Variants in DNAJC13 observed in about 807,000 individuals in gnomAD.
DNAJC13 encodes DnaJ heat shock protein family (Hsp40) member C13.
In DNAJC13, 75 loss-of-function variants were observed where a neutral mutation model predicts 290.5. The ratio of observed to expected loss-of-function variants is 0.26; its 90% CI spans 0.21 to 0.31. The LOEUF is 0.31. Ranked by LOEUF, DNAJC13 falls within the 10% of genes least tolerant of loss-of-function variation. The pLI is 1.00. For missense variants in DNAJC13, 2,260 were observed against 2,674.5 expected, an observed-to-expected ratio of 0.85 and a Z score of 3.42; for synonymous variants, 862 against 892.0, an observed-to-expected ratio of 0.97 and a Z score of 0.60.
chr3:132,526,406 G>T, intron 53 of DNAJC13, 125 bp downstream of exon 53: 4 of 1,118,644 alleles, frequency 3.6e-6, no homozygotes, highest in Middle Eastern at 2.7e-4. Context: ...GTGAGTTTGT[G>T]TATAAACAAT....
intron 54 of DNAJC13, among the ~76,000 whole-genome samples, chr3:132,529,786 C>CAAA (rs11402210): frequency 0.014 from 1,316 of 92,780 alleles, 25 homozygotes; most frequent in African/African-American, 0.05. Context: ...GACTCTGTCT[C>CAAA]AAAAAAAAAA....
intron 1 of DNAJC13, among the ~76,000 whole-genome samples, chr3:132,419,118 C>T (rs778525869): frequency 1.3e-5 from 2 of 152,146 alleles, no homozygotes; most frequent in East Asian, 3.9e-4. Context: ...AGGCAACACA[C>T]GTCCTTGTGT....
At chr3:132,443,387 A>G (rs534627852) in intron 2 of DNAJC13, among the ~76,000 whole-genome samples, 51 of 152,234 alleles carry the variant, frequency 3.4e-4, no homozygotes, top group African/African-American at 1.2e-3. Context: ...TCCTGACCTC[A>G]AGTGATCCTC....
intron 30 of DNAJC13, among the ~76,000 whole-genome samples, chr3:132,488,748 AT>A (rs1255006599): frequency 1.3e-5 from 2 of 152,014 alleles, no homozygotes; most frequent in South Asian, 2.1e-4. Context: ...AAGTTTAATA[AT>A]TTTTTTATAT....
chr3:132,528,641 G>T (rs1387572907), intron 54 of DNAJC13, among the ~76,000 whole-genome samples: 1 of 152,184 alleles, frequency 6.6e-6, no homozygotes, highest in Non-Finnish European at 1.5e-5. Context: ...TTAACTTTCA[G>T]CTCTAGGAGT....
intron 2 of DNAJC13, 30 bp from the exon 3 acceptor site, chr3:132,446,445 C>G (rs367692359): frequency 7.3e-5 from 113 of 1,540,306 alleles, no homozygotes; most frequent in Non-Finnish European, 9.2e-5. Context: ...TTGTTTAAAA[C>G]TAAATTTAAG....
chr3:132,421,420 G>A (rs896343889), intron 1 of DNAJC13, among the ~76,000 whole-genome samples: 10 of 152,060 alleles, frequency 6.6e-5, no homozygotes, highest in African/African-American at 2.4e-4. Flanking sequence ...CACAAAGGAC[G>A]TGTCAGAGGC....
intron 20 of DNAJC13, among the ~76,000 whole-genome samples, chr3:132,470,846 T>C (rs13314903): frequency 0.73 from 43,176 of 58,936 alleles, 14,490 homozygotes; most frequent in East Asian, 0.91. Flanking sequence ...GGGGGGCTGA[T>C]CCCCCCACCT....
chr3:132,495,254 A>G lies in DNAJC13; in HGVS notation c.4020+88A>G, dbSNP rs752823433. On this transcript the variant is annotated intron_variant, in intron 35 of 55. Coordinates refer to ENST00000260818, the MANE Select transcript of DNAJC13 (RefSeq NM_015268.4). Reference sequence around the variant, plus strand: ...AGAAAAGTATATTACCTTCTGTGCCAGTATCTGCCTCATAATATATACTCA... The same window carrying G: ...AGAAAAGTATATTACCTTCTGTGCCGGTATCTGCCTCATAATATATACTCA... The G allele has an allele frequency of 7.0e-5, 70 of 1,003,480 alleles. No homozygotes were observed. The highest frequency in any genetic ancestry group is 1.0e-4 in the Non-Finnish European group (65 of 649,858). 62.2% of individuals were successfully genotyped at this position (1,003,480 alleles called of 1,614,324 possible).
At chr3:132,484,778 G>A (rs2107700236) in intron 29 of DNAJC13, 106 bp downstream of exon 29, 1 of 1,017,938 alleles carries the variant, frequency 9.8e-7, no homozygotes, top group Admixed American at 1.9e-5. Context: ...TTTTCAAAAA[G>A]CCTAAATAGG....
At chr3:132,485,472 G>A (rs747530630) in intron 29 of DNAJC13, among the ~76,000 whole-genome samples, 2 of 152,236 alleles carry the variant, frequency 1.3e-5, no homozygotes, top group Non-Finnish European at 2.9e-5. Context: ...TGAATATGCT[G>A]TGGAAGATTG....
chr3:132,464,939 A>C (rs1287582115), intron 17 of DNAJC13, among the ~76,000 whole-genome samples: 1 of 152,188 alleles, frequency 6.6e-6, no homozygotes, highest in Non-Finnish European at 1.5e-5. Context: ...AAGATCTGTC[A>C]ATGTATAATA....
At chr3:132,536,110 C>G (rs1010662530) in intron 55 of DNAJC13, among the ~76,000 whole-genome samples, 1 of 152,124 alleles carries the variant, frequency 6.6e-6, no homozygotes, top group African/African-American at 2.4e-5. Context: ...GTCCCCAAGC[C>G]AAAAGAAATA....
intron 15 of DNAJC13, 69 bp downstream of exon 15, chr3:132,461,274 C>G: frequency 1.3e-6 from 2 of 1,536,308 alleles, no homozygotes; most frequent in African/African-American, 1.4e-5. Flanking sequence ...ATCACTGTTT[C>G]TAAGATAACA....
Position 132,492,552 on chromosome 3 carries a change from T to A in DNAJC13, c.3762T>A (p.Asn1254Lys). 6.2e-7 allele frequency: 1 copy of A among 1,613,830 alleles called. No homozygotes were observed. The highest frequency in any genetic ancestry group is 8.5e-7 in the Non-Finnish European group (1 of 1,179,808). Residue 1254 changes from asparagine (N) to lysine (K), a missense_variant, in exon 33 of 56, where the codon AAT becomes AAA. Asn to Lys is a moderately conservative substitution (Grantham distance 94, BLOSUM62 0). Around this residue, in one of 3 missense-constraint regions of DNAJC13, gnomAD observed 1,494 missense variants for 1,693.7 expected, o/e 0.88. Transcript: ENST00000260818. Reference protein sequence around the residue: ...YPQLENELFCNIYYLKQLCDT... With the variant: ...YPQLENELFCKIYYLKQLCDT... ...AACTCGAAAATGAACTATTTTGTAA[T>A]ATTTATTACCTCAAACAACTGTGTG... is the stretch of plus-strand genomic sequence containing the variant.
chr3:132,465,924 G>A, intron 17 of DNAJC13, 71 bp from the exon 18 acceptor site: 1 of 945,462 alleles, frequency 1.1e-6, no homozygotes, highest in Non-Finnish European at 1.6e-6. Context: ...GTGATATTTT[G>A]TTCTTAAAAA....
At chr3:132,431,161 AT>A (rs1180838918) in intron 1 of DNAJC13, among the ~76,000 whole-genome samples, 1 of 152,208 alleles carries the variant, frequency 6.6e-6, no homozygotes, top group Non-Finnish European at 1.5e-5. Context: ...GCTGAATTTT[AT>A]TCCTTAACTC....
At chr3:132,529,743 C>T (rs868023695) in intron 54 of DNAJC13, among the ~76,000 whole-genome samples, 1 of 148,724 alleles carries the variant, frequency 6.7e-6, no homozygotes, top group African/African-American at 2.5e-5. Flanking sequence ...GCCGAGATAG[C>T]GCCACTGCAG....
chr3:132,480,225 G>A (rs184550525), intron 25 of DNAJC13, 144 bp from the exon 26 acceptor site: 116 of 496,498 alleles, frequency 2.3e-4, no homozygotes, highest in African/African-American at 1.0e-3. Context: ...AATACCAGTC[G>A]TATCACTTAT....
Sources: allele counts gnomAD v4.1 joint callset (sites outside exome capture counted in the v4.1 genomes callset), GRCh38; gene constraint gnomAD v4.1.1; regional missense constraint gnomAD v4.1.1; transcripts MANE v1.5; gene names NCBI Gene and HGNC (gene_info 2026-07-23, HGNC 2026-07-21).